Variants in SH3GLB1 observed in about 807,000 individuals in gnomAD.
The protein encoded by SH3GLB1 is endophilin-B1.
A neutral mutation model predicts 42.0 loss-of-function variants in SH3GLB1; 17 were observed. That is an observed-to-expected ratio of 0.40 (90% CI 0.28 to 0.61). SH3GLB1 has a LOEUF of 0.61. Ranked by LOEUF, SH3GLB1 falls within the 20% of genes least tolerant of loss-of-function variation. The pLI, the probability that SH3GLB1 is intolerant of heterozygous loss-of-function variation, is 0.36. For missense variants in SH3GLB1, 355 were observed against 426.3 expected (o/e 0.83, Z 1.47); for synonymous variants, 132 against 146.6 (o/e 0.90, Z 0.72).
intron 7 of SH3GLB1, among the ~76,000 whole-genome samples, chr1:86,739,206 T>C (rs1655935781): frequency 6.6e-6 from 1 of 152,188 alleles, no homozygotes; most frequent in Admixed American, 6.5e-5. Context: ...ATCAAAGATA[T>C]TTAAATCTGT....
Position 86,722,630 on chromosome 1 carries a change from C to T in SH3GLB1, c.434C>T (p.Thr145Ile). The part of the protein sequence containing the change: ...LIQTSALNFL[T>I]PLRNFIEGDY... ...CAAACGTCAGCCTTAAATTTTCTTA[C>T]TCCTTTAAGAAACTTTATAGAAGGA... The change falls in exon 4 of 9, where the codon ACT becomes ATT. Residue 145 changes from threonine to isoleucine, a missense_variant. Physicochemically the swap from Thr to Ile is moderately conservative, Grantham distance 89. Transcript: ENST00000370558. 6.2e-7 allele frequency: 1 copy of T among 1,609,204 alleles called. No homozygotes were observed. Among genetic ancestry groups the T allele is most frequent in the Non-Finnish European group, 8.5e-7 (1 of 1,177,720 alleles).
Position 86,704,762 on chromosome 1 carries a change from T to G in SH3GLB1, c.-138T>G. The G allele has an allele frequency of 2.0e-6, 1 of 507,488 alleles. No homozygotes were observed. The highest frequency in any genetic ancestry group is 3.4e-6 in the Non-Finnish European group (1 of 290,740). The allele number at this position is 507,488 out of a possible 1,614,324, so 31.4% of individuals were successfully genotyped here. Reference sequence around the variant, plus strand: ...CCTCCCCGTTCACGGAAACGACAGCTGCGGCTGCGGGGCTGGCGCCGCCTC... The same window carrying G: ...CCTCCCCGTTCACGGAAACGACAGCGGCGGCTGCGGGGCTGGCGCCGCCTC... On this transcript the variant is annotated 5_prime_UTR_variant, in exon 1 of 9. Coordinates refer to ENST00000370558, the MANE Select transcript of SH3GLB1 (RefSeq NM_016009.5).
intron 3 of SH3GLB1, among the ~76,000 whole-genome samples, chr1:86,721,445 C>G (rs1037495217): frequency 1.3e-5 from 2 of 152,148 alleles, no homozygotes; most frequent in Non-Finnish European, 2.9e-5. Flanking sequence ...TAACTACTAT[C>G]TGTATTACCT....
chr1:86,734,610 G>A lies in SH3GLB1; in HGVS notation c.579G>A (p.Gln193=), dbSNP rs200907097. 6.2e-7 allele frequency: 1 copy of A among 1,610,084 alleles called. No individual in the cohort carries two copies. Among genetic ancestry groups the A allele is most frequent in the East Asian group, 2.2e-5 (1 of 44,768 alleles). Residue 193 remains glutamine, a synonymous_variant, in exon 6 of 9, where the codon CAG becomes CAA. Coordinates refer to ENST00000370558, the MANE Select transcript of SH3GLB1 (RefSeq NM_016009.5). ...CTATATTCTTACTTAAGTCTGAACA[G>A]GAATTAAGAATAACTCAAAGTGAAT... ...KAAETRNSSE[Q]ELRITQSEFD... is the part of the protein sequence containing the mutation.
At chr1:86,705,406 G>A (rs1036773805) in intron 1 of SH3GLB1, among the ~76,000 whole-genome samples, 7 of 152,078 alleles carry the variant, frequency 4.6e-5, no homozygotes, top group Admixed American at 3.9e-4. Context: ...GTCCAAGAAG[G>A]GAGTTTCCTT....
rs1183761052 is a variant in SH3GLB1, at chr1:86,744,119, A to T, written c.*884A>T. The T allele has an allele frequency of 6.6e-6, 1 of 152,270 alleles. No homozygotes were observed. The highest frequency in any genetic ancestry group is 6.5e-5 in the Admixed American group (1 of 15,282). The allele number at this position is 152,270 out of a possible 1,614,324, so 9.4% of individuals were successfully genotyped here. A position where few individuals can be genotyped will look rare whatever the true frequency, so the allele number is the denominator to read the frequency against. ...ATTATAAATTGTATACGAACAAAAT[A>T]AATTGGGTCACTCTGAGCTTACTAT... On this transcript the variant is annotated 3_prime_UTR_variant, in exon 9 of 9. Coordinates refer to ENST00000370558, the MANE Select transcript of SH3GLB1 (RefSeq NM_016009.5).
rs79249102 is a variant in SH3GLB1 at position 86,731,162 on chromosome 1, T to C, written c.571-3440T>C. Among the ~76,000 whole-genome samples, 495 of 152,266 alleles carry C rather than the reference T, an allele frequency of 3.3e-3. 4 individuals carry two copies. The highest frequency in any genetic ancestry group is 0.011 in the African/African-American group (470 of 41,550). On this transcript the variant is annotated intron_variant, in intron 5 of 8. Transcript: ENST00000370558. ...ATTTAAGGGATAAAATTATAAACTATAGTACATGCAGACTTGTTTCAAATG... is the reference window on the plus strand; with the variant it reads ...ATTTAAGGGATAAAATTATAAACTACAGTACATGCAGACTTGTTTCAAATG...
Position 86,722,579 on chromosome 1 carries a change from T to G in SH3GLB1, c.383T>G (p.Ile128Ser). Residue 128 changes from isoleucine (I) to serine (S), a missense_variant, in exon 4 of 9, where the codon ATT becomes AGT. Transcript: ENST00000370558. ...LIKCGETQKR[I>S]GTADRELIQT... ...AAATGTGGAGAAACCCAAAAAAGAA[T>G]TGGAACAGCAGACAGAGAACTGATT... The G allele has an allele frequency of 6.2e-7, 1 of 1,606,458 alleles. No homozygotes were observed. Among genetic ancestry groups the G allele is most frequent in the Non-Finnish European group, 8.5e-7 (1 of 1,177,348 alleles).
At chr1:86,738,207 G>A (rs892663406) in intron 7 of SH3GLB1, among the ~76,000 whole-genome samples, 5 of 152,242 alleles carry the variant, frequency 3.3e-5, no homozygotes, top group South Asian at 4.1e-4. Context: ...TAGGATGGAA[G>A]TGGTCAGGTC....
chr1:86,742,120 G>A, intron 7 of SH3GLB1, 88 bp from the exon 8 acceptor site: 1 of 843,652 alleles, frequency 1.2e-6, no homozygotes, highest in Non-Finnish European at 1.9e-6. Context: ...TGTGAAGGTT[G>A]GTAGAAAGTA....
chr1:86,728,393 T>C (rs760780760), intron 5 of SH3GLB1: 1 of 1,499,828 alleles, frequency 6.7e-7, no homozygotes, highest in Non-Finnish European at 9.1e-7. Context: ...TCTCTTACTA[T>C]GCACTTAAGC....
rs554785076 is a variant in SH3GLB1, at chr1:86,741,056, G to A, written c.762-1152G>A. On this transcript the variant is annotated intron_variant, in intron 7 of 8. Coordinates refer to ENST00000370558, the MANE Select transcript of SH3GLB1 (RefSeq NM_016009.5). ...TGCTATAGTTGAATAACATGAAGTT[G>A]AAGGATTGGCTAGAATTGTTTAGGG... Among the ~76,000 whole-genome samples the A allele has an allele frequency of 1.6e-4, 25 of 152,302 alleles. No homozygotes were observed. The South Asian group carries it at 5.2e-3, about 32-fold the overall frequency.
At chr1:86,734,215 T>A (rs1435662822) in intron 5 of SH3GLB1, 1 of 154,780 alleles carries the variant, frequency 6.5e-6, no homozygotes, top group Non-Finnish European at 1.4e-5. Context: ...TGAGAATTTT[T>A]GCAGCAATAT....
chr1:86,736,398 G>C (rs1655783881), intron 7 of SH3GLB1, among the ~76,000 whole-genome samples: 1 of 152,138 alleles, frequency 6.6e-6, no homozygotes, highest in Admixed American at 6.5e-5. Context: ...AACCAATTTT[G>C]AACCTCAAAA....
At chr1:86,730,462 G>T (rs1445449038) in intron 5 of SH3GLB1, 1 of 750,022 alleles carries the variant, frequency 1.3e-6, no homozygotes, top group East Asian at 1.3e-4. Flanking sequence ...ACCATGTCCT[G>T]TATCTTCAGA....
At position 86,704,818 on chromosome 1, in the gene SH3GLB1, C is replaced by G. The variant is rs1653722271; in HGVS notation, c.-82C>G. 1 of 903,962 alleles carries G rather than the reference C, an allele frequency of 1.1e-6. No homozygotes were observed. The highest frequency in any genetic ancestry group is 1.7e-6 in the Non-Finnish European group (1 of 600,240). The allele number at this position is 903,962 out of a possible 1,614,324, so 56.0% of individuals were successfully genotyped here. ...ACCTACCACGTCTGCCCTCGCCGCTCTAGCCCTGCGCCCCAGCCCGGCCGC... is the reference window on the plus strand; with the variant it reads ...ACCTACCACGTCTGCCCTCGCCGCTGTAGCCCTGCGCCCCAGCCCGGCCGC... On this transcript the variant is annotated 5_prime_UTR_variant, in exon 1 of 9. Transcript: ENST00000370558.
intron 5 of SH3GLB1, among the ~76,000 whole-genome samples, chr1:86,725,802 T>G (rs547053067): frequency 1.3e-5 from 2 of 152,316 alleles, no homozygotes; most frequent in East Asian, 3.9e-4. Context: ...ATACCTTGTA[T>G]GAGCAGAATA....
intron 7 of SH3GLB1, among the ~76,000 whole-genome samples, chr1:86,737,424 T>C (rs1655830305): frequency 6.6e-6 from 1 of 152,178 alleles, no homozygotes; most frequent in South Asian, 2.1e-4. Flanking sequence ...AAAAAAGCCA[T>C]GTGTATATAC....
intron 1 of SH3GLB1, among the ~76,000 whole-genome samples, chr1:86,707,832 G>C (rs77456215): frequency 6.6e-6 from 1 of 151,966 alleles, no homozygotes; most frequent in Non-Finnish European, 1.5e-5. Flanking sequence ...ATTTTTAGTA[G>C]AGATGGGGTT....
Sources: gnomAD v4.1 joint callset for allele counts (sites outside exome capture counted in the v4.1 genomes callset) on GRCh38, gnomAD v4.1.1 for gene constraint, MANE v1.5 for transcripts, NCBI Gene and HGNC (gene_info 2026-07-23, HGNC 2026-07-21) for gene names.